Variants in ODAD1 observed in about 807,000 individuals in gnomAD.
ODAD1 encodes outer dynein arm docking complex subunit 1.
In ODAD1, 49 loss-of-function variants were observed where a neutral mutation model predicts 67.2. The observed-to-expected ratio is 0.73, with a 90% CI of 0.58 to 0.92. ODAD1 has a LOEUF of 0.92. Among genes scored for constraint, ODAD1 ranks in the 40% least tolerant of loss-of-function variants. The pLI is 0.00. For synonymous variants in ODAD1, 345 were observed against 393.7 expected (o/e 0.88, Z 1.46); for missense variants, 897 against 953.7 (o/e 0.94, Z 0.78).
chr19:48,298,181 G>A lies in ODAD1; in HGVS notation c.1400C>T (p.Ala467Val), dbSNP rs1315504563. 1 of 1,612,656 alleles carries A rather than the reference G, an allele frequency of 6.2e-7. No homozygotes were observed. Among genetic ancestry groups the A allele is most frequent in the Admixed American group, 1.7e-5 (1 of 59,988 alleles). The stretch of plus-strand genomic sequence containing the variant: ...CGGCTCCCTGCCGTCTCCCACCTGG[G>A]CATGTAGGAAGGCCTGCACTGTCAG... ...ELLTVQAFLH[A>V]QSFTSLADAA... The change falls in exon 13 of 16, where the codon GCC becomes GTC. Residue 467 changes from alanine to valine, a missense_variant. Coordinates refer to ENST00000674294, the MANE Select transcript of ODAD1 (RefSeq NM_001364171.2).
At chr19:48,309,934 A>G (rs1968712820) in intron 7 of ODAD1, among the ~76,000 whole-genome samples, 1 of 152,136 alleles carries the variant, frequency 6.6e-6, no homozygotes, top group South Asian at 2.1e-4. Flanking sequence ...TCTAATCATG[A>G]AGAAAGATCA....
At chr19:48,316,442 C>T (rs1220688552) in intron 5 of ODAD1, among the ~76,000 whole-genome samples, 1 of 152,012 alleles carries the variant, frequency 6.6e-6, no homozygotes, top group African/African-American at 2.4e-5. Flanking sequence ...TGCCATTCCA[C>T]ATTCCCACCA....
At chr19:48,321,613 G>A (rs1290888044) in intron 1 of ODAD1, 65 bp downstream of exon 1, 9 of 374,286 alleles carry the variant, frequency 2.4e-5, no homozygotes, top group Admixed American at 4.6e-5. Flanking sequence ...AGGCGCTCAG[G>A]CCTTGAAGGC....
At position 48,321,865 on chromosome 19, in the gene ODAD1, G is replaced by A. The variant is rs948489902; in HGVS notation, c.-251C>T. 3.5e-5 allele frequency: 14 copies of A among 398,476 alleles called. No individual in the cohort carries two copies. The highest frequency in any genetic ancestry group is 2.7e-4 in the African/African-American group (13 of 48,656). 24.7% of individuals were successfully genotyped at this position (398,476 alleles called of 1,614,324 possible). On this transcript the variant is annotated 5_prime_UTR_variant, in exon 1 of 16. Coordinates refer to ENST00000674294, the MANE Select transcript of ODAD1 (RefSeq NM_001364171.2). The stretch of plus-strand genomic sequence containing the variant: ...AAGCCGGGAGTTGCGCGGAGAAGGA[G>A]CGCTCAACACAGCCTCAGCGGTTCA...
At chr19:48,318,604 G>A (rs753410084) in intron 4 of ODAD1, 28 bp from the exon 5 acceptor site, 5 of 1,547,560 alleles carry the variant, frequency 3.2e-6, no homozygotes, top group African/African-American at 2.7e-5. Context: ...TGGAAGAGGG[G>A]CCAGTAAGGG....
chr19:48,297,090 G>T lies in ODAD1; in HGVS notation c.2010C>A (p.Gly670=). Residue 670 remains glycine, a synonymous_variant, in exon 16 of 16, where the codon GGC becomes GGA. Transcript: ENST00000674294. ...ENTEGGVESG[G]TASDSSGGLG... ...GGCCTCCGCTCGAATCAGACGCTGTGCCTCCGCTCTCCACACCACCCTCTG... is the reference window on the plus strand; with the variant it reads ...GGCCTCCGCTCGAATCAGACGCTGTTCCTCCGCTCTCCACACCACCCTCTG... 1 of 1,613,446 alleles carries T rather than the reference G, an allele frequency of 6.2e-7. No individual in the cohort carries two copies. Among genetic ancestry groups the T allele is most frequent in the Non-Finnish European group, 8.5e-7 (1 of 1,179,616 alleles).
At chr19:48,307,849 C>T (rs557300993) in intron 7 of ODAD1, among the ~76,000 whole-genome samples, 5 of 150,782 alleles carry the variant, frequency 3.3e-5, no homozygotes, top group African/African-American at 1.2e-4. Context: ...AGAAAACGGT[C>T]TCTTAGTGCC....
chr19:48,320,211 T>TCTCC, intron 3 of ODAD1, 88 bp downstream of exon 3: 1 of 936,250 alleles, frequency 1.1e-6, no homozygotes, highest in South Asian at 1.6e-5. Flanking sequence ...GGACAGACAC[T>TCTCC]CTCCCTCCCT....
intron 14 of ODAD1, 128 bp downstream of exon 14, chr19:48,297,872 T>C: frequency 1.2e-6 from 1 of 851,526 alleles, no homozygotes; most frequent in African/African-American, 1.7e-5. Flanking sequence ...ATACTTCATA[T>C]TCTAACCCCC....
At position 48,318,778 on chromosome 19, in the gene ODAD1, G is replaced by A; in HGVS notation, c.105C>T (p.Cys35=). 1 of 1,551,102 alleles carries A rather than the reference G, an allele frequency of 6.4e-7. No individual in the cohort carries two copies. The highest frequency in any genetic ancestry group is 8.7e-7 in the Non-Finnish European group (1 of 1,146,744). The change falls in exon 4 of 16, where the codon TGC becomes TGT. Residue 35 remains cysteine (C), a synonymous_variant. Coordinates refer to ENST00000674294, the MANE Select transcript of ODAD1 (RefSeq NM_001364171.2). ...DWELSRLQRQ[C]KVMEGERRAY... ...CCCGCCTCTCCCCTTCCATCACTTT[G>A]CATTGTCGCTGCAGCCTACTCAGCT...
chr19:48,315,352 C>G (rs1032826528), intron 5 of ODAD1, among the ~76,000 whole-genome samples: 2 of 152,184 alleles, frequency 1.3e-5, no homozygotes, highest in Non-Finnish European at 2.9e-5. Flanking sequence ...CGAGACCAGC[C>G]TGGCCAACAT....
chr19:48,320,695 G>A (rs1410009973), intron 2 of ODAD1, 77 bp downstream of exon 2: 1 of 177,010 alleles, frequency 5.6e-6, no homozygotes, highest in Non-Finnish European at 1.2e-5. Context: ...GCAGGAGAGG[G>A]GGAAACCCCG....
Position 48,304,124 on chromosome 19 carries a change from T to C in ODAD1, c.682A>G (p.Lys228Glu). The change falls in exon 9 of 16, where the codon AAG becomes GAG. Residue 228 changes from lysine to glutamate, a missense_variant. Physicochemically the swap from Lys to Glu is moderately conservative, Grantham distance 56. Transcript: ENST00000674294. ...AYAVREEAKA[K>E]MGLLRERAEK... ...GCGCGCTCCCGCAGCAAGCCCATCT[T>C]GGCCTTCGCCTCCTCCCTGCGGGGG... 6.2e-7 allele frequency: 1 copy of C among 1,608,472 alleles called. No individual in the cohort carries two copies.
At chr19:48,312,861 G>A (rs752651230) in intron 5 of ODAD1, among the ~76,000 whole-genome samples, 1 of 152,136 alleles carries the variant, frequency 6.6e-6, no homozygotes, top group South Asian at 2.1e-4. Context: ...TCGGAGAGAC[G>A]GTGAGAATGA....
At chr19:48,318,343 C>T (rs1968955161) in intron 5 of ODAD1, 44 bp downstream of exon 5, 1 of 1,514,414 alleles carries the variant, frequency 6.6e-7, no homozygotes. Context: ...GGTTACAACA[C>T]TTGCCCGTAA....
chr19:48,312,857 A>G (rs530252160), intron 5 of ODAD1, among the ~76,000 whole-genome samples: 1 of 152,246 alleles, frequency 6.6e-6, no homozygotes, highest in East Asian at 1.9e-4. Context: ...AGAGTCGGAG[A>G]GACGGTGAGA....
At chr19:48,310,276 A>G (rs902213996) in intron 7 of ODAD1, among the ~76,000 whole-genome samples, 3 of 152,166 alleles carry the variant, frequency 2.0e-5, no homozygotes, top group Admixed American at 6.6e-5. Context: ...GTCAGGGGAC[A>G]TCGCACAACA....
At position 48,304,170 on chromosome 19, in the gene ODAD1, T is replaced by C. The variant is rs758961278; in HGVS notation, c.666-30A>G. On this transcript the variant is annotated intron_variant, in intron 8 of 15. Transcript: ENST00000674294. ...GGGGGTCAGCCGGGGTCAGGATGAC[T>C]GGAGGCTGGACTGGGGTCGGCCTGG... 1.3e-5 allele frequency: 20 copies of C among 1,570,144 alleles called. No individual in the cohort carries two copies. In the Admixed American group the frequency reaches 2.9e-4, roughly 23 times the overall value.
At position 48,303,549 on chromosome 19, in the gene ODAD1, G is replaced by A; in HGVS notation, c.988+101C>T. 6 of 1,441,824 alleles carry A rather than the reference G, an allele frequency of 4.2e-6. No homozygotes were observed. The South Asian group carries it at 7.2e-5, about 17-fold the overall frequency. 89.3% of individuals were successfully genotyped at this position (1,441,824 alleles called of 1,614,324 possible). A position where few individuals can be genotyped will look rare whatever the true frequency, so the allele number is the denominator to read the frequency against. On this transcript the variant is annotated intron_variant, in intron 10 of 15. Coordinates refer to ENST00000674294, the MANE Select transcript of ODAD1 (RefSeq NM_001364171.2). ...CATGACGCCTTGTTCCTCCAGCACA[G>A]ATGGAGGAGTTCCCCAGGGCCAGAG...
Sources: gnomAD v4.1 joint callset for allele counts (sites outside exome capture counted in the v4.1 genomes callset) on GRCh38, gnomAD v4.1.1 for gene constraint, MANE v1.5 for transcripts, NCBI Gene and HGNC (gene_info 2026-07-23, HGNC 2026-07-21) for gene names.